The following VWC2 variants were observed in gnomAD, a reference collection of about 807,000 sequenced individuals.
The protein encoded by VWC2 is von Willebrand factor C domain containing 2.
A neutral mutation model predicts 29.8 loss-of-function variants in VWC2; 14 were observed. The ratio of observed to expected loss-of-function variants is 0.47; its 90% confidence interval spans 0.31 to 0.74. The LOEUF (loss-of-function observed/expected upper bound fraction) is 0.74, where lower values mean the gene tolerates loss of function less well. VWC2 is among the 30% of genes least tolerant of loss of function. VWC2 has a pLI of 0.05. For synonymous variants in VWC2, 213 were observed against 199.0 expected, an observed-to-expected ratio of 1.07 and a Z score of -0.59; for missense variants, 457 against 459.8, an observed-to-expected ratio of 0.99 and a Z score of 0.05.
chr7:49,834,727 A>C (rs1789617284), intron 3 of VWC2, among the ~76,000 whole-genome samples: 2 of 152,318 alleles, frequency 1.3e-5, no homozygotes, highest in East Asian at 3.9e-4. Context: ...TCCCAGAGTA[A>C]TATCAGACAG....
intron 3 of VWC2, among the ~76,000 whole-genome samples, chr7:49,831,137 C>T (rs1408730770): frequency 6.6e-6 from 1 of 152,170 alleles, no homozygotes; most frequent in Non-Finnish European, 1.5e-5. Context: ...TGACAAAACA[C>T]CTCCAGAAGC....
At chr7:49,840,870 C>T (rs919364797) in intron 3 of VWC2, among the ~76,000 whole-genome samples, 1 of 152,144 alleles carries the variant, frequency 6.6e-6, no homozygotes, top group Non-Finnish European at 1.5e-5. Flanking sequence ...CGAGTCAGAG[C>T]TGTTGCCCTG....
chr7:49,813,767 A>G (rs1562715482), intron 3 of VWC2, among the ~76,000 whole-genome samples: 1 of 152,224 alleles, frequency 6.6e-6, no homozygotes, highest in Non-Finnish European at 1.5e-5. Flanking sequence ...TAAGTCAGAA[A>G]GGTTTTATAC....
intron 3 of VWC2, among the ~76,000 whole-genome samples, chr7:49,875,439 A>G (rs1464191743): frequency 7.3e-6 from 1 of 137,560 alleles, no homozygotes; most frequent in Non-Finnish European, 1.5e-5. Flanking sequence ...TAAAAATAGG[A>G]AAAAAAAAAG....
At chr7:49,858,643 A>T (rs1433527955) in intron 3 of VWC2, among the ~76,000 whole-genome samples, 6 of 151,984 alleles carry the variant, frequency 3.9e-5, no homozygotes, top group Non-Finnish European at 8.8e-5. Flanking sequence ...AACACGGCAC[A>T]TGTATATATA....
intron 3 of VWC2, among the ~76,000 whole-genome samples, chr7:49,852,527 G>GC (rs1790222200): frequency 6.6e-6 from 1 of 152,050 alleles, no homozygotes; most frequent in South Asian, 2.1e-4. Context: ...AATTGGGGGG[G>GC]CAGAAGGGCC....
chr7:49,802,333 A>G (rs1788757905), intron 2 of VWC2, among the ~76,000 whole-genome samples: 2 of 150,652 alleles, frequency 1.3e-5, no homozygotes, highest in Admixed American at 6.6e-5. Context: ...CTTCGCAGAA[A>G]GTTTAGGGAA....
At chr7:49,809,973 G>T (rs1296651457) in intron 3 of VWC2, among the ~76,000 whole-genome samples, 1 of 151,866 alleles carries the variant, frequency 6.6e-6, no homozygotes, top group Non-Finnish European at 1.5e-5. Context: ...TATCCATATT[G>T]ACCACTTTCA....
chr7:49,785,472 C>A (rs1363519122), intron 2 of VWC2, among the ~76,000 whole-genome samples: 1 of 152,084 alleles, frequency 6.6e-6, no homozygotes, highest in Non-Finnish European at 1.5e-5. Flanking sequence ...TAAGATAGTT[C>A]CAAGAGATGG....
At chr7:49,784,666 C>A (rs778051093) in intron 2 of VWC2, among the ~76,000 whole-genome samples, 2 of 152,234 alleles carry the variant, frequency 1.3e-5, no homozygotes, top group African/African-American at 2.4e-5. Flanking sequence ...TTTGTGTTTT[C>A]CCCAAGTCAT....
At chr7:49,900,195 T>C (rs188311955) in intron 3 of VWC2, among the ~76,000 whole-genome samples, 29 of 151,734 alleles carry the variant, frequency 1.9e-4, no homozygotes, top group African/African-American at 6.5e-4. Flanking sequence ...TTAGGGACAT[T>C]TGTAGCATTG....
At chr7:49,824,129 T>G (rs1333140165) in intron 3 of VWC2, among the ~76,000 whole-genome samples, 3 of 152,156 alleles carry the variant, frequency 2.0e-5, no homozygotes, top group Non-Finnish European at 4.4e-5. Flanking sequence ...GTTTCTCAAT[T>G]TTTCTTTTAT....
At chr7:49,856,570 AT>A (rs1381987859) in intron 3 of VWC2, among the ~76,000 whole-genome samples, 1 of 152,202 alleles carries the variant, frequency 6.6e-6, no homozygotes, top group Non-Finnish European at 1.5e-5. Context: ...TTATTGAAGT[AT>A]AATTGGTATA....
chr7:49,917,988 G>A lies in VWC2; in HGVS notation c.*5803G>A, dbSNP rs186798212. 2 of 152,200 alleles carry A rather than the reference G, an allele frequency of 1.3e-5. No individual in the cohort carries two copies. Among genetic ancestry groups the A allele is most frequent in the Non-Finnish European group, 2.9e-5 (2 of 67,994 alleles). 9.4% of individuals were successfully genotyped at this position (152,200 alleles called of 1,614,324 possible). A position where few individuals can be genotyped will look rare whatever the true frequency, so the allele number is the denominator to read the frequency against. ...AATGGAAAAAAGTGAAAAGTATCCA[G>A]TAAGTAATATACACCTATGAAACTA... On this transcript the variant is annotated 3_prime_UTR_variant, in exon 4 of 4. Coordinates refer to ENST00000340652, the MANE Select transcript of VWC2 (RefSeq NM_198570.5).
intron 2 of VWC2, among the ~76,000 whole-genome samples, chr7:49,789,466 T>A (rs1181414886): frequency 5.3e-5 from 8 of 152,098 alleles, no homozygotes. Context: ...CACACTTAGT[T>A]CATGGCCTCA....
intron 3 of VWC2, among the ~76,000 whole-genome samples, chr7:49,811,766 G>C (rs1028337404): frequency 6.6e-6 from 1 of 152,168 alleles, no homozygotes; most frequent in Non-Finnish European, 1.5e-5. Context: ...TGCTTAAAAA[G>C]TTAAAGAAAA....
At chr7:49,809,151 C>G (rs1396633721) in intron 3 of VWC2, among the ~76,000 whole-genome samples, 2 of 151,586 alleles carry the variant, frequency 1.3e-5, no homozygotes, top group African/African-American at 4.8e-5. Context: ...CTAAACTAAC[C>G]AAGAAAAAAT....
chr7:49,898,409 C>T (rs867886840), intron 3 of VWC2, among the ~76,000 whole-genome samples: 1 of 151,792 alleles, frequency 6.6e-6, no homozygotes, highest in Middle Eastern at 3.4e-3. Context: ...TTTTCTTTCT[C>T]GCTAAAGAAC....
At chr7:49,777,419 G>A (rs1385947768) in intron 2 of VWC2, among the ~76,000 whole-genome samples, 1 of 152,214 alleles carries the variant, frequency 6.6e-6, no homozygotes, top group Non-Finnish European at 1.5e-5. Flanking sequence ...TATGGAAAGA[G>A]TGCTGGAATT....
Sources: allele counts gnomAD v4.1 joint callset (sites outside exome capture counted in the v4.1 genomes callset), GRCh38; gene constraint gnomAD v4.1.1; transcripts MANE v1.5; gene names NCBI Gene and HGNC (gene_info 2026-07-23, HGNC 2026-07-21).